Variants in RPL31 observed in about 807,000 individuals in gnomAD.
RPL31 encodes the protein ribosomal protein L31, also known as large ribosomal subunit protein eL31.
For synonymous variants in RPL31, 51 were observed against 55.0 expected (o/e 0.93, Z 0.32); for missense variants, 95 against 164.0 (o/e 0.58, Z 2.30).
rs1216385709 is a variant in RPL31, at chr2:101,007,012, A to ATGTT, written c.*633_*636dup. The ATGTT allele has an allele frequency of 3.9e-5, 6 of 152,238 alleles. No homozygotes were observed. Among genetic ancestry groups the ATGTT allele is most frequent in the Non-Finnish European group, 5.9e-5 (4 of 68,064 alleles). The allele number at this position is 152,238 out of a possible 1,614,324, so 9.4% of individuals were successfully genotyped here. The stretch of plus-strand genomic sequence containing the variant: ...GTCCTAAAGCAGTGTTGCTGAGATT[A>ATGTT]TGTTTCACCAGCATTTACAAGCTGT... On this transcript the variant is annotated 3_prime_UTR_variant, in exon 5 of 5. Coordinates refer to ENST00000264258, the MANE Select transcript of RPL31 (RefSeq NM_000993.5).
chr2:101,010,935 C>T (rs774394375), downstream of RPL31: 15 of 1,610,956 alleles, frequency 9.3e-6, 1 homozygote, highest in South Asian at 8.8e-5. Flanking sequence ...ATACCTGGCT[C>T]ATTTTGGGCA....
chr2:101,006,188 T>C (rs1678726973), intron 4 of RPL31, 117 bp downstream of exon 4: 2 of 1,511,058 alleles, frequency 1.3e-6, no homozygotes, highest in Middle Eastern at 1.7e-4. Context: ...CCTTTTTAAA[T>C]TGTTGGTGTG....
intron 4 of RPL31, among the ~76,000 whole-genome samples, chr2:101,017,600 A>G (rs1679751013): frequency 1.3e-5 from 2 of 152,198 alleles, no homozygotes; most frequent in South Asian, 4.1e-4. Context: ...ATCAGTACCT[A>G]CCATCTAATC....
downstream of RPL31, among the ~76,000 whole-genome samples, chr2:101,008,629 A>G (rs1453315429): frequency 6.6e-6 from 1 of 152,078 alleles, no homozygotes; most frequent in Non-Finnish European, 1.5e-5. Flanking sequence ...CCCAATCAAC[A>G]TGGAGAAACC....
chr2:101,005,923 G>T (rs1470368265), intron 3 of RPL31, 36 bp from the exon 4 acceptor site: 1 of 1,553,410 alleles, frequency 6.4e-7, no homozygotes, highest in Non-Finnish European at 8.9e-7. Context: ...TTGAAAGGAG[G>T]CATTGACTTC....
intron 4 of RPL31, chr2:101,018,126 GAAT>G (rs1679789709): frequency 1.9e-6 from 1 of 537,132 alleles, no homozygotes; most frequent in Non-Finnish European, 3.3e-6. Context: ...AAAGTTTTCA[GAAT>G]AACAAAGCTT....
rs1679629443 is a variant in RPL31, at chr2:101,016,278, C to T, written c.347-2720C>T. 3.3e-5 allele frequency among the ~76,000 whole-genome samples: 5 copies of T among 152,302 alleles called. No homozygotes were observed. The South Asian group carries it at 1.0e-3, about 32-fold the overall frequency. On this transcript the variant is annotated intron_variant, in intron 4 of 4. Transcript: ENST00000409028. ...AGTAGGCAAAGGATATGAACAGACA[C>T]TTCTCAAAAGAAGACATTTATGCAG...
At chr2:101,002,633 G>T in intron 1 of RPL31, 69 bp from the exon 2 acceptor site, 1 of 1,290,916 alleles carries the variant, frequency 7.7e-7, no homozygotes, top group Non-Finnish European at 1.1e-6. Flanking sequence ...GACAGCGTGA[G>T]GCTGGGAGGG....
At chr2:101,016,180 A>G (rs1165610235) in intron 4 of RPL31, among the ~76,000 whole-genome samples, 1 of 152,250 alleles carries the variant, frequency 6.6e-6, no homozygotes, top group East Asian at 1.9e-4. Flanking sequence ...CTCATCTGAG[A>G]AAGGGCTAAT....
intron 4 of RPL31, among the ~76,000 whole-genome samples, chr2:101,016,720 T>C (rs1035007412): frequency 6.6e-6 from 1 of 152,182 alleles, no homozygotes; most frequent in Non-Finnish European, 1.5e-5. Flanking sequence ...GTGACACATA[T>C]ACACCATGGA....
intron 4 of RPL31, among the ~76,000 whole-genome samples, chr2:101,015,391 A>T (rs1679549659): frequency 6.6e-6 from 1 of 152,188 alleles, no homozygotes. Context: ...ATAAACACTT[A>T]ACTGTACTGA....
intron 4 of RPL31, chr2:101,018,968 A>G (rs774060168): frequency 1.2e-5 from 20 of 1,608,388 alleles, no homozygotes; most frequent in Non-Finnish European, 1.6e-5. Flanking sequence ...CTGACATGGT[A>G]CCAAATCATC....
rs542033652 is a variant in RPL31 at position 101,012,639 on chromosome 2, C to A, written c.347-6359C>A. ...CTCTGAATATACAAAAAAAAAAAAA[C>A]CCATTGAATTGTACGCTTTAAACGG... On this transcript the variant is annotated intron_variant, in intron 4 of 4. Transcript: ENST00000409028. 3.7e-4 allele frequency among the ~76,000 whole-genome samples: 56 copies of A among 150,860 alleles called. 2 individuals are homozygous for A. The South Asian group carries it at 9.0e-3, about 24-fold the overall frequency.
At chr2:101,004,316 T>A (rs1051092243) in intron 3 of RPL31, 33 bp downstream of exon 3, 1 of 1,611,864 alleles carries the variant, frequency 6.2e-7, no homozygotes, top group African/African-American at 1.3e-5. Context: ...AAGGTGAACT[T>A]TTGCAATGAC....
intron 4 of RPL31, among the ~76,000 whole-genome samples, chr2:101,017,642 G>C (rs763829562): frequency 2.0e-5 from 3 of 152,218 alleles, no homozygotes; most frequent in Non-Finnish European, 4.4e-5. Context: ...AGACCATGCT[G>C]TGCAAAGATC....
At chr2:101,014,965 C>CT (rs1679504406) in intron 4 of RPL31, among the ~76,000 whole-genome samples, 1 of 150,032 alleles carries the variant, frequency 6.7e-6, no homozygotes, top group Non-Finnish European at 1.5e-5. Flanking sequence ...TCTGTGAAAT[C>CT]TATTATTTTA....
intron 3 of RPL31, chr2:101,005,649 T>A: frequency 6.4e-6 from 2 of 310,266 alleles, no homozygotes; most frequent in South Asian, 4.9e-5. Flanking sequence ...GTAACAAAGT[T>A]TCTGGTGATA....
downstream of RPL31, chr2:101,011,631 G>A: frequency 1.5e-6 from 2 of 1,348,486 alleles, no homozygotes; most frequent in Non-Finnish European, 2.1e-6. Context: ...TAAAGGCTAA[G>A]CCAGCAGCTC....
chr2:101,015,961 A>C (rs1213354840), intron 4 of RPL31, among the ~76,000 whole-genome samples: 4 of 151,896 alleles, frequency 2.6e-5, no homozygotes, highest in Admixed American at 6.6e-5. Flanking sequence ...ACCTAAAACC[A>C]TAAAAACCCT....
Sources: allele counts gnomAD v4.1 joint callset (sites outside exome capture counted in the v4.1 genomes callset), GRCh38; gene constraint gnomAD v4.1.1; transcripts MANE v1.5; gene names NCBI Gene and HGNC (gene_info 2026-07-23, HGNC 2026-07-21).